The following SLC12A4 variants were observed in gnomAD, a reference collection of about 807,000 sequenced individuals.
SLC12A4 encodes electroneutral potassium-chloride cotransporter 1.
Under a neutral mutation model 119.2 loss-of-function variants are expected in SLC12A4, and 84 were observed. That is an observed-to-expected ratio of 0.70 (90% CI 0.59 to 0.85). The LOEUF (loss-of-function observed/expected upper bound fraction) is 0.85, where lower values mean the gene tolerates loss of function less well. SLC12A4 is among the 40% of genes least tolerant of loss of function. The pLI, the probability that SLC12A4 is intolerant of heterozygous loss-of-function variation, is 0.00. For synonymous variants in SLC12A4, 599 were observed against 604.6 expected (o/e 0.99, Z 0.14); for missense variants, 1,298 against 1,476.3 (o/e 0.88, Z 1.98).
intron 5 of SLC12A4, among the ~76,000 whole-genome samples, chr16:67,955,649 GAT>G (rs1467862180): frequency 6.6e-6 from 1 of 152,218 alleles, no homozygotes; most frequent in Non-Finnish European, 1.5e-5. Flanking sequence ...GGGAGGCTGA[GAT>G]GGGTGGACTG....
chr16:67,946,780 G>T, intron 17 of SLC12A4, 147 bp from the exon 18 acceptor site: 1 of 1,233,038 alleles, frequency 8.1e-7, no homozygotes, highest in Non-Finnish European at 1.1e-6. Flanking sequence ...AAGTTTTCAA[G>T]ATGGGACTGC....
At position 67,945,367 on chromosome 16, in the gene SLC12A4, A is replaced by G. The variant is rs2058331079; in HGVS notation, c.3032+2T>C. 1.9e-6 allele frequency: 3 copies of G among 1,611,570 alleles called. No individual in the cohort carries two copies. The highest frequency in any genetic ancestry group is 2.5e-6 in the Non-Finnish European group (3 of 1,178,610). ...CGCTGGGGCTGTTTTTGCTGCACTCACGGCTTAATGTGCACCAGCTCCCGG... is the reference window on the plus strand; with the variant it reads ...CGCTGGGGCTGTTTTTGCTGCACTCGCGGCTTAATGTGCACCAGCTCCCGG... On this transcript the variant is annotated splice_donor_variant, in intron 22 of 23. Coordinates refer to ENST00000316341, the MANE Select transcript of SLC12A4 (RefSeq NM_005072.5). LOFTEE classifies it high-confidence loss of function.
chr16:67,968,309 CAAA>C, intron 1 of SLC12A4, 127 bp downstream of exon 1: 1 of 800,802 alleles, frequency 1.2e-6, no homozygotes, highest in Non-Finnish European at 1.8e-6. Flanking sequence ...CGGCGCGGTC[CAAA>C]AAAAGTTGAG....
At chr16:67,947,140 G>A (rs1361321534) in intron 16 of SLC12A4, 35 bp from the exon 17 acceptor site, 3 of 1,553,188 alleles carry the variant, frequency 1.9e-6, no homozygotes, top group South Asian at 2.3e-5. Flanking sequence ...CTGAGACCAG[G>A]GCCGGCCGTT....
At chr16:67,948,226 G>A in intron 13 of SLC12A4, 67 bp from the exon 14 acceptor site, 1 of 1,506,094 alleles carries the variant, frequency 6.6e-7, no homozygotes, top group Non-Finnish European at 9.2e-7. Flanking sequence ...TGTCAGGCTG[G>A]GCCTGGCCCA....
chr16:67,944,345 T>TCTG lies in SLC12A4; in HGVS notation c.*494_*495insCAG. On this transcript the variant is annotated 3_prime_UTR_variant, in exon 24 of 24. Coordinates refer to ENST00000316341, the MANE Select transcript of SLC12A4 (RefSeq NM_005072.5). The surrounding 1 kb of genome is among the most constrained non-coding windows in gnomAD (Gnocchi z 6.6). ...GCAGGAGGCCCAGAACTACACAATG[T>TCTG]TTTATTGAAAAAGTCAGGCCTCAGC... The TCTG allele has an allele frequency of 7.3e-7, 1 of 1,369,782 alleles. No homozygotes were observed. The highest frequency in any genetic ancestry group is 1.9e-5 in the South Asian group (1 of 52,760). The allele number at this position is 1,369,782 out of a possible 1,614,324, so 84.9% of individuals were successfully genotyped here. A position where few individuals can be genotyped will look rare whatever the true frequency, so the allele number is the denominator to read the frequency against.
intron 1 of SLC12A4, among the ~76,000 whole-genome samples, chr16:67,966,547 G>T (rs72790376): frequency 6.6e-6 from 1 of 152,240 alleles, no homozygotes; most frequent in Non-Finnish European, 1.5e-5. Flanking sequence ...CTGTGTACAC[G>T]GACATCTGCC....
chr16:67,965,853 TG>T (rs2030844497), intron 1 of SLC12A4, among the ~76,000 whole-genome samples: 1 of 151,920 alleles, frequency 6.6e-6, no homozygotes, highest in Admixed American at 6.6e-5. Flanking sequence ...ACAAGGAGAG[TG>T]AAGCTCAAAG....
intron 6 of SLC12A4, 46 bp from the exon 7 acceptor site, chr16:67,952,471 A>G: frequency 1.2e-6 from 2 of 1,605,394 alleles, no homozygotes; most frequent in Non-Finnish European, 1.7e-6. Flanking sequence ...CTTATTTGGA[A>G]AGTGAAACTT....
At chr16:67,948,256 C>T in intron 13 of SLC12A4, 97 bp from the exon 14 acceptor site, 1 of 1,143,604 alleles carries the variant, frequency 8.7e-7, no homozygotes, top group Non-Finnish European at 1.3e-6. Flanking sequence ...CGTGGCCCGG[C>T]CCTGCCCTGC....
chr16:67,946,010 CCTT>C lies in SLC12A4; in HGVS notation c.2677_2679del (p.Lys893del). The C allele has an allele frequency of 1.9e-6, 3 of 1,614,104 alleles. No homozygotes were observed. The highest frequency in any genetic ancestry group is 2.5e-6 in the Non-Finnish European group (3 of 1,180,020). On this transcript the variant is annotated inframe_deletion, in exon 20 of 24. Transcript: ENST00000316341. ...AGATGGTACAGAAAGACAGCCAGGT[CCTT>C]CTTCATCTGGATGCTGTTGTCATCC...
At chr16:67,966,597 A>G (rs75860656) in intron 1 of SLC12A4, among the ~76,000 whole-genome samples, 193 of 152,332 alleles carry the variant, frequency 1.3e-3, no homozygotes, top group Non-Finnish European at 2.1e-3. Flanking sequence ...CCCTGCCCAC[A>G]GGCCAAGGTG....
Position 67,961,656 on chromosome 16 carries a change from G to A in SLC12A4, c.261C>T (p.Val87=). The change falls in exon 3 of 24, where the codon GTC becomes GTT. Residue 87 remains valine, a synonymous_variant. Transcript: ENST00000316341. ...CGCCCTGGGTGAGGTTGGTGTAGCTGACGAGCTTTCCCAGAAGAGACGATA... is the reference window on the plus strand; with the variant it reads ...CGCCCTGGGTGAGGTTGGTGTAGCTAACGAGCTTTCCCAGAAGAGACGATA... ...PKVSSLLGKL[V]SYTNLTQGAK... 3 of 1,614,202 alleles carry A rather than the reference G, an allele frequency of 1.9e-6. No individual in the cohort carries two copies. Among genetic ancestry groups the A allele is most frequent in the Non-Finnish European group, 2.5e-6 (3 of 1,180,018 alleles).
Position 67,943,828 on chromosome 16 carries a change from A to G in SLC12A4, c.*1012T>C. ...TTTTGGCCCCTCCCCACACCAGGGC[A>G]GGTACTTATGTCGGGGCTTATGCAG... On this transcript the variant is annotated 3_prime_UTR_variant, in exon 24 of 24. Transcript: ENST00000316341. This position sits in a 1 kb window ranked among gnomAD's most constrained non-coding sequence, Gnocchi z 4.6. The G allele has an allele frequency of 1.1e-6, 1 of 928,296 alleles. No individual in the cohort carries two copies. Among genetic ancestry groups the G allele is most frequent in the Non-Finnish European group, 1.6e-6 (1 of 625,022 alleles). The allele number at this position is 928,296 out of a possible 1,614,324, so 57.5% of individuals were successfully genotyped here.
Position 67,945,209 on chromosome 16 carries a change from T to A in SLC12A4, c.3044A>T (p.Asn1015Ile). ...CACAGCAGTGTGCATGCGCCGCACA[T>A]TGGATTGGTCCCTACACGTAGTGTA... ...ELVHIKPDQS[N>I]VRRMHTAVKL... Residue 1015 changes from asparagine to isoleucine, a missense_variant, in exon 23 of 24, where the codon AAT becomes ATT. Physicochemically the swap from Asn to Ile is moderately radical, Grantham distance 149. Coordinates refer to ENST00000316341, the MANE Select transcript of SLC12A4 (RefSeq NM_005072.5). 6.4e-7 allele frequency: 1 copy of A among 1,559,926 alleles called. No individual in the cohort carries two copies. The highest frequency in any genetic ancestry group is 8.7e-7 in the Non-Finnish European group (1 of 1,151,424).
chr16:67,946,040 T>C lies in SLC12A4; in HGVS notation c.2650A>G (p.Met884Val). The C allele has an allele frequency of 6.2e-7, 1 of 1,614,024 alleles. No homozygotes were observed. Among genetic ancestry groups the C allele is most frequent in the African/African-American group, 1.3e-5 (1 of 75,044 alleles). The change falls in exon 20 of 24, where the codon ATG (methionine) becomes GTG (valine). Residue 884 changes from methionine (M) to valine (V), a missense_variant. Physicochemically the swap from Met to Val is conservative, Grantham distance 21. Coordinates refer to ENST00000316341, the MANE Select transcript of SLC12A4 (RefSeq NM_005072.5). ...TTCATCTGGATGCTGTTGTCATCCATCTGGGCCACTGTGAAGATGCGCATC... is the reference window on the plus strand; with the variant it reads ...TTCATCTGGATGCTGTTGTCATCCACCTGGGCCACTGTGAAGATGCGCATC... ...CRMRIFTVAQ[M>V]DDNSIQMKKD...
Position 67,961,589 on chromosome 16 carries a change from G to C in SLC12A4, c.328C>G (p.Arg110Gly). ...EEAESGEGTR[R>G]RAAEAPSMGT... ...AACCAGCTCACCTCGGCTGCCCTCCGGCGGGTGCCCTCCCCACTCTCGGCC... is the reference window on the plus strand; with the variant it reads ...AACCAGCTCACCTCGGCTGCCCTCCCGCGGGTGCCCTCCCCACTCTCGGCC... The change falls in exon 3 of 24, where the codon CGG (arginine) becomes GGG (glycine). Residue 110 changes from arginine to glycine, a missense_variant. Coordinates refer to ENST00000316341, the MANE Select transcript of SLC12A4 (RefSeq NM_005072.5). 6.2e-7 allele frequency: 1 copy of C among 1,613,544 alleles called. No homozygotes were observed. Among genetic ancestry groups the C allele is most frequent in the Non-Finnish European group, 8.5e-7 (1 of 1,179,994 alleles).
At chr16:67,947,948 A>G in intron 14 of SLC12A4, 113 bp downstream of exon 14, 1 of 1,473,884 alleles carries the variant, frequency 6.8e-7, no homozygotes, top group East Asian at 2.3e-5. Context: ...CCGCAGCCCT[A>G]TAATCTCCCT....
Position 67,945,783 on chromosome 16 carries a change from T to C in SLC12A4, c.2828A>G (p.Lys943Arg). 1 of 1,613,716 alleles carries C rather than the reference T, an allele frequency of 6.2e-7. No individual in the cohort carries two copies. The highest frequency in any genetic ancestry group is 8.5e-7 in the Non-Finnish European group (1 of 1,180,024). Residue 943 changes from lysine to arginine, a missense_variant, in exon 21 of 24, where the codon AAG becomes AGG. Transcript: ENST00000316341. ...ACTGACTTCTCGCTCCCGCTCAGTC[T>C]TGGTCAGTCTCATCTGCCGCAGCAT... ...SQMLRQMRLT[K>R]TEREREAQLV...
Sources: gnomAD v4.1 joint callset for allele counts (sites outside exome capture counted in the v4.1 genomes callset) on GRCh38, gnomAD v4.1.1 for gene constraint, Gnocchi (gnomAD v3.1) non-coding constraint, MANE v1.5 for transcripts, NCBI Gene and HGNC (gene_info 2026-07-23, HGNC 2026-07-21) for gene names.